Variants in CHRM2 observed in about 807,000 individuals in gnomAD.
CHRM2 encodes the protein muscarinic acetylcholine receptor M2.
CHRM2 carries 8 observed loss-of-function variants against 25.0 expected under a neutral mutation model. That is an observed-to-expected ratio of 0.32 (90% CI 0.19 to 0.58). The LOEUF is 0.58. Ranked by LOEUF, CHRM2 falls within the 20% of genes least tolerant of loss-of-function variation. CHRM2 has a pLI of 0.88. For missense variants in CHRM2, 440 were observed against 567.1 expected (o/e 0.78, Z 2.28); for synonymous variants, 202 against 205.7 (o/e 0.98, Z 0.15).
Position 137,014,943 on chromosome 7 carries a change from TG to T in CHRM2, c.79del (p.Val27SerfsTer10). 1 of 1,613,346 alleles carries T rather than the reference TG, an allele frequency of 6.2e-7. No homozygotes were observed. Among genetic ancestry groups the T allele is most frequent in the Non-Finnish European group, 8.5e-7 (1 of 1,179,574 alleles). Reference protein sequence around the residue: ...PYKTFEVVFIVLVAGSLSLVT... With the variant: ...PYKTFEVVFIXLVAGSLSLVT... ...ATAAGACATTTGAAGTGGTGTTTAT[TG>T]TCCTGGTGGCTGGATCCCTCAGTTT... On this transcript the variant is annotated frameshift_variant, in exon 4 of 4. Transcript: ENST00000680005. LOFTEE classifies it high-confidence loss of function.
chr7:136,909,344 C>A (rs1797719851), intron 2 of CHRM2, among the ~76,000 whole-genome samples: 1 of 151,898 alleles, frequency 6.6e-6, no homozygotes, highest in African/African-American at 2.4e-5. Flanking sequence ...TGTGCTCTTG[C>A]ATTTTTGGAG....
chr7:137,000,417 C>G (rs1441560614), intron 3 of CHRM2, among the ~76,000 whole-genome samples: 1 of 150,948 alleles, frequency 6.6e-6, no homozygotes, highest in Non-Finnish European at 1.5e-5. Flanking sequence ...CCAGGCTGGT[C>G]TCATACTCCT....
At chr7:137,002,614 A>G (rs1032749270) in intron 3 of CHRM2, among the ~76,000 whole-genome samples, 6 of 152,234 alleles carry the variant, frequency 3.9e-5, no homozygotes, top group Non-Finnish European at 7.3e-5. Flanking sequence ...TTCTTGAAGT[A>G]TAGATTGAAG....
At chr7:136,960,429 C>T (rs935596743) in intron 2 of CHRM2, among the ~76,000 whole-genome samples, 3 of 152,200 alleles carry the variant, frequency 2.0e-5, no homozygotes, top group East Asian at 1.9e-4. Flanking sequence ...GAGAAACAAA[C>T]GTGGCTAAGC....
At position 137,016,022 on chromosome 7, in the gene CHRM2, C is replaced by G; in HGVS notation, c.1157C>G (p.Thr386Ser). Residue 386 changes from threonine to serine, a missense_variant, in exon 4 of 4, where the codon ACC (threonine) becomes AGC (serine). Thr to Ser is a moderately conservative substitution (Grantham distance 58). Around this residue, in one of 5 missense-constraint regions of CHRM2, gnomAD observed 65 missense variants for 108.9 expected, o/e 0.60. Transcript: ENST00000680005. ...CCTCCTTCCCGGGAAAAGAAAGTCA[C>G]CAGGACAATCTTGGCTATTCTGTTG... ...KPPPSREKKVTRTILAILLAF... is the reference protein window; with the variant it reads ...KPPPSREKKVSRTILAILLAF... 6.2e-7 allele frequency: 1 copy of G among 1,613,082 alleles called. No individual in the cohort carries two copies. The highest frequency in any genetic ancestry group is 8.5e-7 in the Non-Finnish European group (1 of 1,179,442).
intron 2 of CHRM2, among the ~76,000 whole-genome samples, chr7:136,991,355 G>A (rs998035839): frequency 2.0e-5 from 3 of 152,102 alleles, no homozygotes; most frequent in African/African-American, 7.2e-5. Flanking sequence ...GCATGCAGAT[G>A]TCCAGGTATT....
chr7:136,959,895 G>A (rs1800964347), intron 2 of CHRM2, among the ~76,000 whole-genome samples: 1 of 152,124 alleles, frequency 6.6e-6, no homozygotes, highest in African/African-American at 2.4e-5. Context: ...TGGGCAGCAA[G>A]AGCAAAACTC....
chr7:136,997,027 G>A (rs949128245), intron 3 of CHRM2, among the ~76,000 whole-genome samples: 1 of 152,120 alleles, frequency 6.6e-6, no homozygotes, highest in African/African-American at 2.4e-5. Context: ...CAACAGTGGA[G>A]TAGTTGACAG....
intron 2 of CHRM2, among the ~76,000 whole-genome samples, chr7:136,910,549 C>G (rs1797785551): frequency 6.6e-6 from 1 of 151,848 alleles, no homozygotes; most frequent in Admixed American, 6.6e-5. Context: ...CTGAGATTCA[C>G]AGAATAAAGT....
intron 2 of CHRM2, among the ~76,000 whole-genome samples, chr7:136,943,131 T>C (rs1799870246): frequency 6.6e-6 from 1 of 152,134 alleles, no homozygotes; most frequent in South Asian, 2.1e-4. Context: ...GCCCATCTCA[T>C]TATGGGAGCA....
intron 3 of CHRM2, among the ~76,000 whole-genome samples, chr7:137,002,065 A>G (rs1302129053): frequency 6.6e-6 from 1 of 152,194 alleles, no homozygotes; most frequent in Non-Finnish European, 1.5e-5. Context: ...AGAGTAAGAA[A>G]GAAAAAATAT....
intron 2 of CHRM2, among the ~76,000 whole-genome samples, chr7:136,906,231 T>G (rs1797538750): frequency 6.6e-6 from 1 of 151,048 alleles, no homozygotes; most frequent in South Asian, 2.1e-4. Context: ...ATGGTTTGTA[T>G]GTATGTACAT....
At chr7:136,983,999 G>C (rs1563107154) in intron 2 of CHRM2, among the ~76,000 whole-genome samples, 1 of 152,190 alleles carries the variant, frequency 6.6e-6, no homozygotes, top group South Asian at 2.1e-4. Context: ...CTTCAGAGCT[G>C]GCAGGCAGAA....
At chr7:137,007,454 C>T (rs1030177497) in intron 3 of CHRM2, among the ~76,000 whole-genome samples, 3 of 152,004 alleles carry the variant, frequency 2.0e-5, no homozygotes, top group Admixed American at 6.6e-5. Flanking sequence ...GCAGGGCCCC[C>T]ACTACTCCTT....
intron 2 of CHRM2, among the ~76,000 whole-genome samples, chr7:136,890,831 A>ATG (rs1170332278): frequency 6.6e-6 from 1 of 151,974 alleles, no homozygotes; most frequent in Admixed American, 6.6e-5. Flanking sequence ...GTGTTTATAT[A>ATG]TGTGTGTGTA....
chr7:136,981,962 G>T (rs1802519034), intron 2 of CHRM2, among the ~76,000 whole-genome samples: 1 of 152,136 alleles, frequency 6.6e-6, no homozygotes, highest in Non-Finnish European at 1.5e-5. Context: ...TGTCTATTAG[G>T]TCGACTTGGT....
At chr7:136,931,436 T>TG (rs1433589287) in intron 2 of CHRM2, among the ~76,000 whole-genome samples, 1 of 152,072 alleles carries the variant, frequency 6.6e-6, no homozygotes, top group African/African-American at 2.4e-5. Flanking sequence ...CACATAGAAA[T>TG]GAGAAGAACC....
chr7:136,892,795 G>A (rs1204804411), intron 2 of CHRM2, among the ~76,000 whole-genome samples: 1 of 151,492 alleles, frequency 6.6e-6, no homozygotes, highest in African/African-American at 2.4e-5. Flanking sequence ...TCAGCCTCCT[G>A]GGCAGCTGGG....
intron 2 of CHRM2, chr7:136,938,323 A>G (rs962440181): frequency 1.3e-5 from 18 of 1,423,078 alleles, no homozygotes; most frequent in East Asian, 6.8e-5. Context: ...CATGTTGTCC[A>G]TGTTGCTCCG....
Sources: allele counts gnomAD v4.1 joint callset (sites outside exome capture counted in the v4.1 genomes callset), GRCh38; gene constraint gnomAD v4.1.1; regional missense constraint gnomAD v4.1.1; transcripts MANE v1.5; gene names NCBI Gene and HGNC (gene_info 2026-07-23, HGNC 2026-07-21).